The following TANC2 variants were observed in gnomAD, a reference collection of about 807,000 sequenced individuals.
TANC2 encodes protein TANC2.
TANC2 carries 26 observed loss-of-function variants against 210.5 expected under a neutral mutation model. That is an observed-to-expected ratio of 0.12 (90% CI 0.09 to 0.17). The LOEUF is 0.17. Ranked by LOEUF, TANC2 falls within the 10% of genes least tolerant of loss-of-function variation. TANC2 has a pLI of 1.00. For synonymous variants in TANC2, 931 were observed against 967.1 expected (o/e 0.96, Z 0.69); for missense variants, 2,129 against 2,608.9 (o/e 0.82, Z 4.01).
rs559017863 is a variant in TANC2 at position 63,336,231 on chromosome 17, A to C, written c.1576-3870A>C. ...GAAGACATTCACAGAAGGAGTAATGAAAAGGAACATGGAGAGTAAGCGTGT... is the reference window on the plus strand; with the variant it reads ...GAAGACATTCACAGAAGGAGTAATGCAAAGGAACATGGAGAGTAAGCGTGT... On this transcript the variant is annotated intron_variant, in intron 11 of 27. Transcript: ENST00000689528. Among the ~76,000 whole-genome samples the C allele has an allele frequency of 9.2e-5, 14 of 152,362 alleles. 1 individual carries two copies. In the South Asian group the frequency reaches 2.9e-3, roughly 32 times the overall value.
chr17:63,113,430 G>A, intron 4 of TANC2, among the ~76,000 whole-genome samples: 1 of 152,142 alleles, frequency 6.6e-6, no homozygotes, highest in East Asian at 1.9e-4. Context: ...AATTGTAAAT[G>A]CGCATCCTTA....
chr17:63,034,653 AT>A (rs1184270714), intron 2 of TANC2, among the ~76,000 whole-genome samples: 1 of 152,208 alleles, frequency 6.6e-6, no homozygotes, highest in Non-Finnish European at 1.5e-5. Flanking sequence ...GGAGGTCAAA[AT>A]GTCAACATTA....
chr17:63,398,799 C>A, intron 18 of TANC2, 22 bp from the exon 19 acceptor site: 1 of 1,542,920 alleles, frequency 6.5e-7, no homozygotes, highest in Non-Finnish European at 8.8e-7. Context: ...GAAGTTTGAG[C>A]TGACACAACT....
At chr17:63,222,412 C>A (rs2042217554) in intron 7 of TANC2, among the ~76,000 whole-genome samples, 1 of 152,158 alleles carries the variant, frequency 6.6e-6, no homozygotes, top group Non-Finnish European at 1.5e-5. Flanking sequence ...ACTAATACAA[C>A]ATCATGGATA....
intron 21 of TANC2, among the ~76,000 whole-genome samples, chr17:63,407,314 C>G (rs2048543466): frequency 1.3e-5 from 2 of 152,294 alleles, no homozygotes; most frequent in African/African-American, 2.4e-5. Flanking sequence ...GCTTCATGCT[C>G]TCTCCCTTCA....
At chr17:63,157,390 A>T (rs978954462) in intron 5 of TANC2, among the ~76,000 whole-genome samples, 2 of 152,194 alleles carry the variant, frequency 1.3e-5, no homozygotes, top group Non-Finnish European at 1.5e-5. Flanking sequence ...TGGCCTCTGA[A>T]TGTGGTGTTT....
intron 5 of TANC2, among the ~76,000 whole-genome samples, chr17:63,176,761 G>A (rs1425664619): frequency 2.1e-5 from 3 of 146,318 alleles, no homozygotes; most frequent in African/African-American, 5.1e-5. Flanking sequence ...AGCCGAGATC[G>A]TGCAGCTGCA....
intron 5 of TANC2, among the ~76,000 whole-genome samples, chr17:63,186,440 C>T (rs1352071863): frequency 6.6e-6 from 1 of 151,580 alleles, no homozygotes; most frequent in East Asian, 1.9e-4. Context: ...GCAACTTCCG[C>T]CTCCCAGGTA....
intron 5 of TANC2, among the ~76,000 whole-genome samples, chr17:63,183,528 G>C (rs573140186): frequency 6.6e-6 from 1 of 152,270 alleles, no homozygotes; most frequent in South Asian, 2.1e-4. Context: ...ACTAAAGTTT[G>C]AGAGGGTCGA....
At chr17:63,354,671 C>T in intron 13 of TANC2, 112 bp from the exon 14 acceptor site, 5 of 1,375,428 alleles carry the variant, frequency 3.6e-6, no homozygotes, top group Admixed American at 2.7e-5. Context: ...ATCATGTTTC[C>T]CTGTTTGGCC....
chr17:63,234,732 C>CA (rs1447332552), intron 7 of TANC2, among the ~76,000 whole-genome samples: 2 of 152,040 alleles, frequency 1.3e-5, no homozygotes, highest in Non-Finnish European at 2.9e-5. Context: ...GGTACATCTA[C>CA]AAAAGAGTTA....
intron 8 of TANC2, among the ~76,000 whole-genome samples, chr17:63,264,009 A>G (rs1024665382): frequency 5.9e-5 from 9 of 152,288 alleles, no homozygotes; most frequent in Admixed American, 3.3e-4. Context: ...CAGGTTAACT[A>G]TGGATTGATT....
chr17:63,207,376 T>G (rs915939647), intron 7 of TANC2, among the ~76,000 whole-genome samples: 1 of 151,348 alleles, frequency 6.6e-6, no homozygotes, highest in Non-Finnish European at 1.5e-5. Context: ...CCACCACGCT[T>G]GGCTAATTTT....
intron 1 of TANC2, among the ~76,000 whole-genome samples, chr17:62,969,218 T>C (rs1161862504): frequency 6.6e-6 from 1 of 152,188 alleles, no homozygotes; most frequent in Non-Finnish European, 1.5e-5. Context: ...TTTAATCAGT[T>C]CCAACACCCT....
chr17:63,089,481 G>A (rs2037100652), intron 3 of TANC2, among the ~76,000 whole-genome samples: 1 of 152,162 alleles, frequency 6.6e-6, no homozygotes, highest in African/African-American at 2.4e-5. Flanking sequence ...GGAAGGGGAG[G>A]AGGTAAGACA....
At chr17:63,184,721 T>G (rs989860107) in intron 5 of TANC2, among the ~76,000 whole-genome samples, 2 of 151,660 alleles carry the variant, frequency 1.3e-5, no homozygotes, top group Non-Finnish European at 2.9e-5. Flanking sequence ...TGGCACGATC[T>G]CGGCTCACTG....
At chr17:63,012,793 AG>A in intron 2 of TANC2, among the ~76,000 whole-genome samples, 1 of 152,286 alleles carries the variant, frequency 6.6e-6, no homozygotes, top group East Asian at 1.9e-4. Flanking sequence ...CTAGGACTAC[AG>A]GTGCATACCA....
At chr17:63,305,943 G>C (rs2447453) in intron 9 of TANC2, among the ~76,000 whole-genome samples, 90,903 of 152,086 alleles carry the variant, frequency 0.6, 29,696 homozygotes, top group African/African-American at 0.86. Context: ...GGCGTGGACA[G>C]GACAGAATTG....
intron 2 of TANC2, among the ~76,000 whole-genome samples, chr17:63,021,954 T>G (rs2034365809): frequency 6.6e-6 from 1 of 152,152 alleles, no homozygotes. Flanking sequence ...AATATCTTGT[T>G]GGGTACTGGA....
Sources: gnomAD v4.1 joint callset for allele counts (sites outside exome capture counted in the v4.1 genomes callset) on GRCh38, gnomAD v4.1.1 for gene constraint, MANE v1.5 for transcripts, NCBI Gene and HGNC (gene_info 2026-07-23, HGNC 2026-07-21) for gene names.